Variants in EPB41L4A observed in about 807,000 individuals in gnomAD.
EPB41L4A encodes band 4.1-like protein 4A.
Under a neutral mutation model 108.6 loss-of-function variants are expected in EPB41L4A, and 100 were observed. The observed-to-expected ratio is 0.92, with a 90% CI of 0.78 to 1.09. The LOEUF (loss-of-function observed/expected upper bound fraction) is 1.09. Ranked by LOEUF, EPB41L4A falls within the 50% of genes least tolerant of loss-of-function variation. EPB41L4A has a pLI of 0.00. For synonymous variants in EPB41L4A, 319 were observed against 289.0 expected (o/e 1.10, Z -1.05); for missense variants, 1,030 against 842.7 (o/e 1.22, Z -2.75).
intron 1 of EPB41L4A, among the ~76,000 whole-genome samples, chr5:112,357,808 G>T (rs2150749564): frequency 6.6e-6 from 1 of 152,262 alleles, no homozygotes; most frequent in African/African-American, 2.4e-5. Flanking sequence ...AACATCTAGG[G>T]AAGAGCTATG....
intron 2 of EPB41L4A, among the ~76,000 whole-genome samples, chr5:112,291,823 C>G (rs867532256): frequency 1.3e-5 from 2 of 152,210 alleles, no homozygotes; most frequent in African/African-American, 4.8e-5. Context: ...TCCCCCATAC[C>G]TCACCTTACA....
At chr5:112,299,688 A>G (rs912932815) in intron 2 of EPB41L4A, among the ~76,000 whole-genome samples, 4 of 152,212 alleles carry the variant, frequency 2.6e-5, no homozygotes, top group African/African-American at 7.2e-5. Context: ...GTTCTGGAGT[A>G]TAGCTTAAAT....
At chr5:112,178,981 AT>A (rs1761011942) in intron 18 of EPB41L4A, among the ~76,000 whole-genome samples, 2 of 151,826 alleles carry the variant, frequency 1.3e-5, no homozygotes, top group Admixed American at 1.3e-4. Flanking sequence ...TTAAAAAAAA[AT>A]GAAGAGAAAA....
chr5:112,418,983 A>C lies in EPB41L4A; in HGVS notation c.57T>G (p.Asp19Glu). 6.2e-7 allele frequency: 1 copy of C among 1,613,536 alleles called. No individual in the cohort carries two copies. Among genetic ancestry groups the C allele is most frequent in the South Asian group, 1.1e-5 (1 of 91,034 alleles). ...EEFYCEVLLL[D>E]ESKLTLTTQQ... Reference sequence around the variant, plus strand: ...GGGTGGTAAGGGTTAACTTGGATTCATCCAGGAGCAAAACTTCGCAGTAAA... The same window carrying C: ...GGGTGGTAAGGGTTAACTTGGATTCCTCCAGGAGCAAAACTTCGCAGTAAA... The change falls in exon 1 of 23, where the codon GAT becomes GAG. Residue 19 changes from aspartate to glutamate, a missense_variant. Coordinates refer to ENST00000261486, the MANE Select transcript of EPB41L4A (RefSeq NM_022140.5).
At chr5:112,158,535 G>A (rs1759729471), downstream of EPB41L4A, 2 of 215,490 alleles carry the variant, frequency 9.3e-6, no homozygotes, top group African/African-American at 2.3e-5. Context: ...CACTGCATTA[G>A]TCCATTCTCA....
At chr5:112,250,293 T>C (rs1750568039) in intron 9 of EPB41L4A, among the ~76,000 whole-genome samples, 1 of 152,166 alleles carries the variant, frequency 6.6e-6, no homozygotes, top group African/African-American at 2.4e-5. Context: ...CATACAAATA[T>C]TTACATCGTA....
Position 112,184,138 on chromosome 5 carries a change from G to C in EPB41L4A, c.1503-3C>G, listed in dbSNP as rs748167351. On this transcript the variant is annotated splice_polypyrimidine_tract_variant and splice_region_variant and intron_variant, in intron 17 of 22. Transcript: ENST00000261486. ...CCATATCATTCTCCTGCCGTATTCT[G>C]AAAGGAAAGCCATGCATCTGAAGTT... 6.2e-7 allele frequency: 1 copy of C among 1,613,750 alleles called. No individual in the cohort carries two copies. Among genetic ancestry groups the C allele is most frequent in the South Asian group, 1.1e-5 (1 of 91,038 alleles).
At chr5:112,388,742 G>A (rs1760733883) in intron 1 of EPB41L4A, among the ~76,000 whole-genome samples, 1 of 152,104 alleles carries the variant, frequency 6.6e-6, no homozygotes, top group Admixed American at 6.5e-5. Context: ...ATAGCTCAGG[G>A]GCTCTTTTTT....
intron 1 of EPB41L4A, among the ~76,000 whole-genome samples, chr5:112,390,786 C>A (rs756729853): frequency 6.6e-6 from 1 of 152,186 alleles, no homozygotes; most frequent in Non-Finnish European, 1.5e-5. Flanking sequence ...CTGGGAGACA[C>A]CTCCCAGTAG....
chr5:112,214,158 C>T lies in EPB41L4A; in HGVS notation c.1088-4176G>A, dbSNP rs1347142576. On this transcript the variant is annotated intron_variant, in intron 12 of 22. Coordinates refer to ENST00000261486, the MANE Select transcript of EPB41L4A (RefSeq NM_022140.5). Reference sequence around the variant, plus strand: ...AATCCCTCCTACATCAGCTCAGACTCGGGCTACAGAGAAAAGTGACCTGAC... The same window carrying T: ...AATCCCTCCTACATCAGCTCAGACTTGGGCTACAGAGAAAAGTGACCTGAC... Among the ~76,000 whole-genome samples, 4 of 152,292 alleles carry T rather than the reference C, an allele frequency of 2.6e-5. No homozygotes were observed. The South Asian group carries it at 6.2e-4, about 24-fold the overall frequency.
At chr5:112,151,681 T>C (rs376757269) in intron 12 of EPB41L4A, among the ~76,000 whole-genome samples, 2 of 151,928 alleles carry the variant, frequency 1.3e-5, no homozygotes, top group South Asian at 2.1e-4. Context: ...ATGCTGTGAT[T>C]ACAGGCATGA....
chr5:112,370,601 T>G (rs1003439791), intron 1 of EPB41L4A, among the ~76,000 whole-genome samples: 1 of 152,198 alleles, frequency 6.6e-6, no homozygotes, highest in African/African-American at 2.4e-5. Context: ...GATTTTCCAG[T>G]TACAAACCCT....
intron 1 of EPB41L4A, among the ~76,000 whole-genome samples, chr5:112,406,825 A>C (rs1762101329): frequency 6.6e-6 from 1 of 152,160 alleles, no homozygotes; most frequent in Admixed American, 6.5e-5. Flanking sequence ...AGAAGAGTCT[A>C]GGCCCATGTG....
intron 18 of EPB41L4A, among the ~76,000 whole-genome samples, chr5:112,171,691 G>C (rs746723521): frequency 3.3e-5 from 5 of 152,164 alleles, no homozygotes; most frequent in Non-Finnish European, 7.3e-5. Flanking sequence ...TCAAGTGTTT[G>C]TACTCTCTGT....
chr5:112,387,553 T>C lies in EPB41L4A; in HGVS notation c.99+31388A>G, dbSNP rs138190723. ...CTGAGGCAGGAGAATGGCGTCAACC[T>C]GGGAGGCGGAGCTTGCAGTGAGCCG... On this transcript the variant is annotated intron_variant, in intron 1 of 22. Coordinates refer to ENST00000261486, the MANE Select transcript of EPB41L4A (RefSeq NM_022140.5). Among the ~76,000 whole-genome samples, 587 of 152,214 alleles carry C rather than the reference T, an allele frequency of 3.9e-3. 6 individuals carry two copies. Among genetic ancestry groups the C allele is most frequent in the African/African-American group, 0.013 (558 of 41,530 alleles).
At chr5:112,194,199 T>C (rs1281151196) in intron 17 of EPB41L4A, among the ~76,000 whole-genome samples, 1 of 152,162 alleles carries the variant, frequency 6.6e-6, no homozygotes, top group Non-Finnish European at 1.5e-5. Flanking sequence ...TATTTTTGGT[T>C]GGGTAAAATA....
chr5:112,386,443 GA>G (rs1174582226), intron 1 of EPB41L4A, among the ~76,000 whole-genome samples: 10 of 151,998 alleles, frequency 6.6e-5, no homozygotes, highest in African/African-American at 9.7e-5. Context: ...TTTTAAGAAA[GA>G]AAAAAATAAT....
chr5:112,357,395 C>G (rs1042003808), intron 1 of EPB41L4A, among the ~76,000 whole-genome samples: 1 of 152,204 alleles, frequency 6.6e-6, no homozygotes, highest in African/African-American at 2.4e-5. Flanking sequence ...AGAGATTGGG[C>G]TCAAGCCAAT....
intron 18 of EPB41L4A, among the ~76,000 whole-genome samples, chr5:112,176,439 CAA>C (rs1270970894): frequency 2.0e-5 from 3 of 152,266 alleles, no homozygotes; most frequent in Non-Finnish European, 4.4e-5. Flanking sequence ...TCAAACCTAA[CAA>C]AGAGAAATCT....
Sources: gnomAD v4.1 joint callset for allele counts (sites outside exome capture counted in the v4.1 genomes callset) on GRCh38, gnomAD v4.1.1 for gene constraint, MANE v1.5 for transcripts, NCBI Gene and HGNC (gene_info 2026-07-23, HGNC 2026-07-21) for gene names.